AFF3: variants seen among roughly 807,000 people sequenced by gnomAD.
AFF3 encodes ALF transcription elongation factor 3.
AFF3 carries 32 observed loss-of-function variants against 129.7 expected under a neutral mutation model. The ratio of observed to expected loss-of-function variants is 0.25; its 90% CI spans 0.19 to 0.33. The LOEUF is 0.33. AFF3 is among the 10% of genes least tolerant of loss of function. AFF3 has a pLI of 1.00. For synonymous variants in AFF3, 644 were observed against 635.4 expected, an observed-to-expected ratio of 1.01 and a Z score of -0.20; for missense variants, 1,373 against 1,592.0, an observed-to-expected ratio of 0.86 and a Z score of 2.34.
intron 4 of AFF3, among the ~76,000 whole-genome samples, chr2:100,044,353 G>T (rs1004938017): frequency 1.3e-5 from 2 of 152,170 alleles, no homozygotes; most frequent in Non-Finnish European, 2.9e-5. Flanking sequence ...TGTCCACTAA[G>T]ATACAAATAA....
At chr2:99,828,628 CT>C (rs1236309875) in intron 8 of AFF3, among the ~76,000 whole-genome samples, 1 of 152,164 alleles carries the variant, frequency 6.6e-6, no homozygotes, top group South Asian at 2.1e-4. Context: ...ACCAGCAAGG[CT>C]TTTGGGGAGA....
At chr2:99,946,774 G>A (rs1675616420) in intron 7 of AFF3, among the ~76,000 whole-genome samples, 1 of 152,158 alleles carries the variant, frequency 6.6e-6, no homozygotes, top group Admixed American at 6.5e-5. Context: ...TTGTTGTGTA[G>A]GATAAGTCAT....
At chr2:99,952,813 G>A (rs986994966) in intron 7 of AFF3, among the ~76,000 whole-genome samples, 2 of 152,174 alleles carry the variant, frequency 1.3e-5, no homozygotes, top group Non-Finnish European at 2.9e-5. Context: ...TCCTGGTCAG[G>A]AATGTGAGTG....
At chr2:99,843,357 A>G (rs778015940) in intron 7 of AFF3, among the ~76,000 whole-genome samples, 34 of 152,350 alleles carry the variant, frequency 2.2e-4, no homozygotes, top group Non-Finnish European at 3.2e-4. Flanking sequence ...TCCCCAAGCT[A>G]GAAGCCCAGC....
At chr2:99,831,116 G>A (rs146776513) in intron 8 of AFF3, among the ~76,000 whole-genome samples, 31 of 152,328 alleles carry the variant, frequency 2.0e-4, no homozygotes, top group African/African-American at 7.5e-4. Context: ...CAGACTTGGG[G>A]ACAATGTACA....
chr2:99,556,384 G>A (rs112985170), intron 22 of AFF3, among the ~76,000 whole-genome samples: 3,721 of 152,254 alleles, frequency 0.024, 158 homozygotes, highest in African/African-American at 0.084. Flanking sequence ...GGAGGTTAGG[G>A]TGAGCCAAGA....
At chr2:100,020,732 A>G (rs1683520822) in intron 4 of AFF3, among the ~76,000 whole-genome samples, 1 of 151,862 alleles carries the variant, frequency 6.6e-6, no homozygotes, top group South Asian at 2.1e-4. Context: ...TACTTGTCCA[A>G]CTCTCTCCTT....
At chr2:99,641,508 T>A (rs375629886) in intron 13 of AFF3, among the ~76,000 whole-genome samples, 123 of 152,188 alleles carry the variant, frequency 8.1e-4, no homozygotes, top group Middle Eastern at 3.4e-3. Flanking sequence ...TGAAACCCCA[T>A]CTCTACTAAA....
chr2:99,933,429 T>C (rs1047494388), intron 7 of AFF3, among the ~76,000 whole-genome samples: 2 of 152,102 alleles, frequency 1.3e-5, no homozygotes, highest in African/African-American at 4.8e-5. Flanking sequence ...CACCAACCCA[T>C]CTTCCAGGTT....
chr2:99,662,987 C>T (rs1686377411), intron 12 of AFF3, among the ~76,000 whole-genome samples: 1 of 152,168 alleles, frequency 6.6e-6, no homozygotes, highest in Non-Finnish European at 1.5e-5. Flanking sequence ...GCGTCAGGAT[C>T]AACCAAGCTG....
At chr2:99,648,917 A>ACACTCTCTCTCTCTCTCTCTCTCT in intron 13 of AFF3, among the ~76,000 whole-genome samples, 1 of 46,874 alleles carries the variant, frequency 2.1e-5, no homozygotes, top group African/African-American at 6.5e-5. Context: ...ACACACACAC[A>ACACTCTCTCTCTCTCTCTCTCTCT]CTCTCTCTCT....
intron 7 of AFF3, among the ~76,000 whole-genome samples, chr2:99,932,667 A>T (rs1265255893): frequency 6.6e-6 from 1 of 152,170 alleles, no homozygotes; most frequent in Non-Finnish European, 1.5e-5. Flanking sequence ...TGTCCAGCTA[A>T]ACTGTAGAAA....
chr2:100,122,879 T>G (rs1692036772), intron 2 of AFF3, among the ~76,000 whole-genome samples: 1 of 152,236 alleles, frequency 6.6e-6, no homozygotes, highest in Non-Finnish European at 1.5e-5. Flanking sequence ...CAAACTAATT[T>G]GACCTTGGAA....
At chr2:99,704,344 A>G (rs1677161426) in intron 11 of AFF3, among the ~76,000 whole-genome samples, 4 of 152,322 alleles carry the variant, frequency 2.6e-5, no homozygotes, top group Admixed American at 2.6e-4. Flanking sequence ...TCCTGCAGCC[A>G]TGCTGGAGAC....
intron 2 of AFF3, among the ~76,000 whole-genome samples, chr2:100,126,302 G>A (rs1692188325): frequency 6.6e-6 from 1 of 152,228 alleles, no homozygotes; most frequent in Non-Finnish European, 1.5e-5. Flanking sequence ...TGTTCGAGAA[G>A]CCAGAGGAGT....
At chr2:99,577,235 G>A (rs1677081119) in intron 18 of AFF3, among the ~76,000 whole-genome samples, 2 of 152,176 alleles carry the variant, frequency 1.3e-5, no homozygotes, top group Admixed American at 1.3e-4. Context: ...CCAGGGAATT[G>A]TACAGAGGTG....
In AFF3 at chr2:99,718,241, T is replaced by C. The variant is rs1678559956; in HGVS notation, c.1091+8836A>G. ...TTTGATCAAGATTGTGTTGAATCTA[T>C]AGATCAAGATGAGAAAAATCGAGAT... On this transcript the variant is annotated intron_variant, in intron 11 of 24. Transcript: ENST00000672756. Among the ~76,000 whole-genome samples, 3 of 152,222 alleles carry C rather than the reference T, an allele frequency of 2.0e-5. No homozygotes were observed. The South Asian group carries it at 6.2e-4, about 32-fold the overall frequency.
In AFF3 at chr2:100,136,201, A is replaced by G. The variant is rs181935754; in HGVS notation, c.-228+6283T>C. On this transcript the variant is annotated intron_variant, in intron 1 of 24. Transcript: ENST00000672756. ...TTGGGAAAGAAGTCAGGGCTGGGAGATGTAAGTTTGGGCATCGTTGGTGTT... is the reference window on the plus strand; with the variant it reads ...TTGGGAAAGAAGTCAGGGCTGGGAGGTGTAAGTTTGGGCATCGTTGGTGTT... Among the ~76,000 whole-genome samples, 44 of 152,236 alleles carry G rather than the reference A, an allele frequency of 2.9e-4. No individual in the cohort carries two copies. In the East Asian group the frequency reaches 8.3e-3, roughly 29 times the overall value.
chr2:99,779,721 A>AC, intron 8 of AFF3, among the ~76,000 whole-genome samples: 2 of 152,260 alleles, frequency 1.3e-5, no homozygotes, highest in Non-Finnish European at 2.9e-5. Context: ...GTCCATGTGT[A>AC]CCCATTGATT....
Sources: gnomAD v4.1 joint callset for allele counts (sites outside exome capture counted in the v4.1 genomes callset) on GRCh38, gnomAD v4.1.1 for gene constraint, MANE v1.5 for transcripts, NCBI Gene and HGNC (gene_info 2026-07-23, HGNC 2026-07-21) for gene names.